The following ZNF138 variants were observed in gnomAD, a reference collection of about 807,000 sequenced individuals.
The protein encoded by ZNF138 is zinc finger protein 138, also known as zinc finger protein 138 (clone pHZ-32).
In ZNF138, 33 loss-of-function variants were observed where a neutral mutation model predicts 33.0. The observed-to-expected ratio is 1.00, with a 90% CI of 0.76 to 1.34. ZNF138 has a LOEUF of 1.34. ZNF138 is among the 40% of genes most tolerant of loss of function. ZNF138 has a pLI of 0.00. For synonymous variants in ZNF138, 139 were observed against 120.4 expected, an observed-to-expected ratio of 1.15 and a Z score of -1.01; for missense variants, 360 against 370.8, an observed-to-expected ratio of 0.97 and a Z score of 0.24.
chr7:64,797,041 C>T (rs1786745515), intron 1 of ZNF138, among the ~76,000 whole-genome samples: 1 of 152,152 alleles, frequency 6.6e-6, no homozygotes, highest in Non-Finnish European at 1.5e-5. Context: ...CAGAGCGAGA[C>T]TCCATCTCAA....
chr7:64,817,845 G>A (rs894253633), intron 3 of ZNF138, among the ~76,000 whole-genome samples: 7 of 151,678 alleles, frequency 4.6e-5, no homozygotes, highest in African/African-American at 1.7e-4. Flanking sequence ...AAGTTATGCT[G>A]GAAGTAAATT....
intron 1 of ZNF138, among the ~76,000 whole-genome samples, chr7:64,797,283 A>T (rs975786616): frequency 6.6e-6 from 1 of 152,206 alleles, no homozygotes; most frequent in African/African-American, 2.4e-5. Context: ...TTACTACATC[A>T]TTTTTAATGG....
chr7:64,794,521 A>C lies in ZNF138; in HGVS notation c.-48A>C, dbSNP rs554221536. The C allele has an allele frequency of 6.2e-7, 1 of 1,612,002 alleles. No individual in the cohort carries two copies. Among genetic ancestry groups the C allele is most frequent in the East Asian group, 2.2e-5 (1 of 44,788 alleles). On this transcript the variant is annotated 5_prime_UTR_variant, in exon 1 of 4. Transcript: ENST00000307355. The stretch of plus-strand genomic sequence containing the variant: ...GCCTCTGTGGCGCTGTGATCTGGTT[A>C]TTGGGAGATTCACAGCTAAGACGCC...
intron 3 of ZNF138, among the ~76,000 whole-genome samples, chr7:64,826,841 G>A (rs980160117): frequency 4.6e-5 from 7 of 151,852 alleles, no homozygotes; most frequent in African/African-American, 1.7e-4. Context: ...GTATAGACAA[G>A]GTTTTGCCAT....
the ZNF138 span, among the ~76,000 whole-genome samples, chr7:64,847,332 A>ATATATATATTT: frequency 3.1e-5 from 4 of 128,134 alleles, no homozygotes; most frequent in African/African-American, 1.2e-4. Flanking sequence ...ATATATATAT[A>ATATATATATTT]TTTTTTTTTT....
chr7:64,821,298 C>G (rs1409592157), intron 3 of ZNF138, among the ~76,000 whole-genome samples: 1 of 151,002 alleles, frequency 6.6e-6, no homozygotes, highest in East Asian at 1.9e-4. Context: ...ACTGTGTTAG[C>G]TAGGATGGTC....
chr7:64,833,705 G>GT (rs139949399), downstream of ZNF138: 140,733 of 151,090 alleles, frequency 0.93, 65,249 homozygotes, highest in Non-Finnish European at 0.96. Flanking sequence ...TTTAGTGTGT[G>GT]GTTTGTTTGT....
chr7:64,835,125 G>T (rs1430849150), downstream of ZNF138, among the ~76,000 whole-genome samples: 1 of 151,974 alleles, frequency 6.6e-6, no homozygotes, highest in African/African-American at 2.4e-5. Flanking sequence ...ACGCCCTAGT[G>T]GGCATGCGCG....
At chr7:64,804,382 C>G (rs1562889675) in intron 1 of ZNF138, among the ~76,000 whole-genome samples, 1 of 152,140 alleles carries the variant, frequency 6.6e-6, no homozygotes, top group East Asian at 1.9e-4. Context: ...TGTGGACCCC[C>G]TTGGAGTTGT....
chr7:64,800,007 C>G (rs1470993461), intron 1 of ZNF138, among the ~76,000 whole-genome samples: 1 of 152,160 alleles, frequency 6.6e-6, no homozygotes, highest in Admixed American at 6.5e-5. Flanking sequence ...AGGGATCCTA[C>G]TAATTTTTGT....
At chr7:64,855,318 C>T in the ZNF138 span, among the ~76,000 whole-genome samples, 13 of 152,296 alleles carry the variant, frequency 8.5e-5, 1 homozygote, top group African/African-American at 3.1e-4. Context: ...TGTTTATTTA[C>T]AGTGCTCAAT....
rs78251807 is a variant in ZNF138, at chr7:64,833,331, A to G, written c.*1129A>G. The G allele has an allele frequency of 0.062, 9,806 of 158,442 alleles. 345 individuals are homozygous for G. The highest frequency in any genetic ancestry group is 0.14 in the East Asian group (755 of 5,306). 9.8% of individuals were successfully genotyped at this position (158,442 alleles called of 1,614,324 possible). On this transcript the variant is annotated 3_prime_UTR_variant, in exon 4 of 4. Transcript: ENST00000307355. ...TAATACTGAAAATGTTACAAACCAGAAAAATGTGAAAATGATTTTAACAAA... is the reference window on the plus strand; with the variant it reads ...TAATACTGAAAATGTTACAAACCAGGAAAATGTGAAAATGATTTTAACAAA...
chr7:64,838,126 C>T (rs184542071), downstream of ZNF138, among the ~76,000 whole-genome samples: 5 of 147,868 alleles, frequency 3.4e-5, no homozygotes, highest in Admixed American at 1.4e-4. Context: ...ACCCTGGGCT[C>T]GGCAAGGGTG....
chr7:64,852,009 C>T, the ZNF138 span, among the ~76,000 whole-genome samples: 1 of 152,308 alleles, frequency 6.6e-6, no homozygotes, highest in Non-Finnish European at 1.5e-5. Flanking sequence ...AAAAATCAGA[C>T]TTATAATAAA....
the ZNF138 span, among the ~76,000 whole-genome samples, chr7:64,842,895 T>A: frequency 6.6e-6 from 1 of 152,348 alleles, no homozygotes; most frequent in South Asian, 2.1e-4. Flanking sequence ...TGATCTATAG[T>A]CACTATGCTG....
At chr7:64,854,333 C>A in the ZNF138 span, among the ~76,000 whole-genome samples, 1,404 of 152,278 alleles carry the variant, frequency 9.2e-3, 16 homozygotes, top group African/African-American at 0.032. Context: ...CTCCATCTCC[C>A]AGGTTCGACT....
chr7:64,851,004 A>G, the ZNF138 span, among the ~76,000 whole-genome samples: 2 of 152,196 alleles, frequency 1.3e-5, no homozygotes, highest in Admixed American at 6.5e-5. Flanking sequence ...TCTGTACATT[A>G]TGGGGTACAA....
chr7:64,850,684 T>C, the ZNF138 span, among the ~76,000 whole-genome samples: 1 of 152,212 alleles, frequency 6.6e-6, no homozygotes, highest in Admixed American at 6.5e-5. Context: ...TTTCTTGATC[T>C]CTCTGTGCTT....
At chr7:64,794,651 C>T (rs1786542511) in intron 1 of ZNF138, 80 bp downstream of exon 1, 2 of 1,596,462 alleles carry the variant, frequency 1.3e-6, no homozygotes, top group South Asian at 2.2e-5. Flanking sequence ...TGGCAGTACT[C>T]GGGTCTTCCC....
Sources: allele counts gnomAD v4.1 joint callset (sites outside exome capture counted in the v4.1 genomes callset), GRCh38; gene constraint gnomAD v4.1.1; transcripts MANE v1.5; gene names NCBI Gene and HGNC (gene_info 2026-07-23, HGNC 2026-07-21).